Variants in SNX25 observed in about 807,000 individuals in gnomAD.
SNX25 encodes the protein sorting nexin 25.
A neutral mutation model predicts 113.7 loss-of-function variants in SNX25; 62 were observed. The observed-to-expected ratio is 0.55, with a 90% CI of 0.44 to 0.67. The LOEUF (loss-of-function observed/expected upper bound fraction) is 0.67. Among genes scored for constraint, SNX25 ranks in the 30% least tolerant of loss-of-function variants. The probability of loss-of-function intolerance (pLI) is 0.00; values close to 1 mark genes in which losing one functional copy is unlikely to be tolerated. For missense variants in SNX25, 1,014 were observed against 1,161.0 expected (o/e 0.87, Z 1.84); for synonymous variants, 421 against 436.2 (o/e 0.97, Z 0.43).
chr4:185,357,565 G>C (rs2095344619), intron 15 of SNX25, 106 bp from the exon 16 acceptor site: 13 of 936,558 alleles, frequency 1.4e-5, no homozygotes, highest in South Asian at 1.3e-4. Flanking sequence ...TTGATGGCAG[G>C]ACTGAAATCA....
chr4:185,276,606 G>A (rs1364584442), intron 5 of SNX25, among the ~76,000 whole-genome samples: 2 of 152,282 alleles, frequency 1.3e-5, no homozygotes, highest in South Asian at 2.1e-4. Flanking sequence ...AGGCTGGGGC[G>A]GGAGGATGGC....
At chr4:185,248,426 G>A (rs1299144093) in intron 2 of SNX25, among the ~76,000 whole-genome samples, 1 of 152,108 alleles carries the variant, frequency 6.6e-6, no homozygotes, top group African/African-American at 2.4e-5. Context: ...GGGAGACCGA[G>A]GTGGGTGAAT....
chr4:185,299,290 C>G (rs530020940), intron 6 of SNX25, among the ~76,000 whole-genome samples: 1 of 152,092 alleles, frequency 6.6e-6, no homozygotes, highest in African/African-American at 2.4e-5. Flanking sequence ...ATCATGTGCT[C>G]GTGCTTGATA....
chr4:185,264,462 T>C lies in SNX25; in HGVS notation c.756T>C (p.Phe252=). The stretch of plus-strand genomic sequence containing the variant: ...GACATGAAGAACAGCCAAGACCTTT[T>C]GTGTTGCACGCATGCTTGAGGAACT... ...NARHEEQPRP[F]VLHACLRNSD... is the part of the protein sequence containing the mutation. The change falls in exon 4 of 19, where the codon TTT becomes TTC. Residue 252 remains phenylalanine (F), a synonymous_variant. Coordinates refer to ENST00000652585, the MANE Select transcript of SNX25 (RefSeq NM_001378034.2). 2 of 1,613,414 alleles carry C rather than the reference T, an allele frequency of 1.2e-6. No individual in the cohort carries two copies. The highest frequency in any genetic ancestry group is 2.2e-5 in the South Asian group (2 of 91,046).
chr4:185,290,631 T>G (rs1396626917), intron 6 of SNX25, among the ~76,000 whole-genome samples: 1 of 150,656 alleles, frequency 6.6e-6, no homozygotes, highest in Non-Finnish European at 1.5e-5. Context: ...AGCATGAGAA[T>G]GTGTGTACAT....
chr4:185,262,953 G>T (rs1002698473), intron 3 of SNX25, among the ~76,000 whole-genome samples: 1 of 152,208 alleles, frequency 6.6e-6, no homozygotes, highest in African/African-American at 2.4e-5. Context: ...CCACTTTCTA[G>T]AGGACATCAT....
intron 1 of SNX25, among the ~76,000 whole-genome samples, chr4:185,244,405 A>G (rs1053578754): frequency 2.0e-5 from 3 of 152,264 alleles, no homozygotes; most frequent in Non-Finnish European, 4.4e-5. Context: ...TTAGCAGTGT[A>G]GACCTCTGAA....
intron 1 of SNX25, among the ~76,000 whole-genome samples, chr4:185,238,898 C>T (rs533247304): frequency 4.7e-4 from 71 of 152,236 alleles, no homozygotes; most frequent in Non-Finnish European, 9.3e-4. Context: ...TCCCAGTGAG[C>T]AGTGTCCTAC....
At chr4:185,260,480 A>G (rs1011109696) in intron 3 of SNX25, among the ~76,000 whole-genome samples, 3 of 152,186 alleles carry the variant, frequency 2.0e-5, no homozygotes, top group African/African-American at 2.4e-5. Context: ...GAGTGTTTAC[A>G]CCATGGAATG....
At chr4:185,300,115 T>C (rs188221954) in intron 6 of SNX25, among the ~76,000 whole-genome samples, 504 of 152,324 alleles carry the variant, frequency 3.3e-3, no homozygotes, top group Non-Finnish European at 5.6e-3. Context: ...CACAAACACA[T>C]AGACACTGTT....
the SNX25 span, chr4:185,378,621 A>G: frequency 1.0e-6 from 1 of 989,790 alleles, no homozygotes; most frequent in African/African-American, 1.7e-5. Flanking sequence ...TCCATTTCAA[A>G]TTAAAGCACT....
chr4:185,319,483 G>A (rs1395999030), intron 7 of SNX25, among the ~76,000 whole-genome samples: 1 of 149,194 alleles, frequency 6.7e-6, no homozygotes, highest in Admixed American at 6.7e-5. Context: ...ACAGTCGTGA[G>A]CCACCACAGC....
the SNX25 span, chr4:185,377,506 G>A: frequency 1.8e-5 from 3 of 166,478 alleles, no homozygotes; most frequent in Admixed American, 5.7e-5. Flanking sequence ...CAACAAGAGC[G>A]AAACTCCATC....
At chr4:185,344,508 G>A (rs1032852336) in intron 12 of SNX25, among the ~76,000 whole-genome samples, 1 of 152,160 alleles carries the variant, frequency 6.6e-6, no homozygotes, top group African/African-American at 2.4e-5. Flanking sequence ...GTAAATCAGT[G>A]TGCATAAAGC....
chr4:185,249,197 T>C (rs1052266919), intron 2 of SNX25, among the ~76,000 whole-genome samples: 1 of 152,220 alleles, frequency 6.6e-6, no homozygotes, highest in African/African-American at 2.4e-5. Context: ...GTTGTATTTT[T>C]AACTTTGTAA....
chr4:185,215,097 C>T (rs1470250407), intron 1 of SNX25, among the ~76,000 whole-genome samples: 4 of 151,980 alleles, frequency 2.6e-5, no homozygotes, highest in East Asian at 1.9e-4. Flanking sequence ...GGGCGTGGTG[C>T]GGGCGCCTGT....
chr4:185,354,002 C>T (rs1367617538), intron 15 of SNX25, among the ~76,000 whole-genome samples: 1 of 151,254 alleles, frequency 6.6e-6, no homozygotes, highest in African/African-American at 2.4e-5. Context: ...CAAGATCGCA[C>T]CACTGCACTC....
chr4:185,354,556 T>C (rs2095330759), intron 15 of SNX25, among the ~76,000 whole-genome samples: 1 of 152,226 alleles, frequency 6.6e-6, no homozygotes, highest in South Asian at 2.1e-4. Context: ...ACAGTAATGC[T>C]GGAGTTGAGA....
At chr4:185,261,154 G>GTA (rs1553992839) in intron 3 of SNX25, among the ~76,000 whole-genome samples, 1 of 141,772 alleles carries the variant, frequency 7.1e-6, no homozygotes, top group Admixed American at 7.0e-5. Context: ...GTGTGTGTGT[G>GTA]TGTATGTATG....
Sources: gnomAD v4.1 joint callset for allele counts (sites outside exome capture counted in the v4.1 genomes callset) on GRCh38, gnomAD v4.1.1 for gene constraint, MANE v1.5 for transcripts, NCBI Gene and HGNC (gene_info 2026-07-23, HGNC 2026-07-21) for gene names.